Variants in ZSWIM4 observed in about 807,000 individuals in gnomAD.
ZSWIM4 encodes the protein zinc finger SWIM domain-containing protein 4.
In ZSWIM4, 62 loss-of-function variants were observed where a neutral mutation model predicts 102.5. That is an observed-to-expected ratio of 0.60 (90% CI 0.49 to 0.75). ZSWIM4 has a LOEUF of 0.75. ZSWIM4 is among the 30% of genes least tolerant of loss of function. The probability of loss-of-function intolerance (pLI) is 0.00; values close to 1 mark genes in which losing one functional copy is unlikely to be tolerated. For synonymous variants in ZSWIM4, 652 were observed against 674.5 expected, an observed-to-expected ratio of 0.97 and a Z score of 0.52; for missense variants, 1,280 against 1,529.6, an observed-to-expected ratio of 0.84 and a Z score of 2.72.
intron 9 of ZSWIM4, among the ~76,000 whole-genome samples, chr19:13,818,610 C>G (rs1328386659): frequency 2.0e-5 from 3 of 152,122 alleles, no homozygotes; most frequent in Non-Finnish European, 4.4e-5. Context: ...GTCACCCAGG[C>G]TGGAGTGCAG....
chr19:13,811,684 C>T (rs776209763), intron 5 of ZSWIM4, among the ~76,000 whole-genome samples: 6 of 151,998 alleles, frequency 3.9e-5, no homozygotes, highest in African/African-American at 7.2e-5. Context: ...TTTTAAAAAC[C>T]GGCTTTATTT....
chr19:13,814,060 C>CTT (rs869279797), intron 6 of ZSWIM4, among the ~76,000 whole-genome samples: 37 of 138,158 alleles, frequency 2.7e-4, no homozygotes, highest in African/African-American at 8.7e-4. Context: ...TACACGCATC[C>CTT]TTTTTTTTTT....
chr19:13,814,946 C>T, intron 7 of ZSWIM4, 81 bp downstream of exon 7: 1 of 881,894 alleles, frequency 1.1e-6, no homozygotes, highest in Non-Finnish European at 1.5e-6. Context: ...TGCTTGAGGC[C>T]AGGAGTTCAA....
Position 13,819,450 on chromosome 19 carries a change from A to G in ZSWIM4, c.2018A>G (p.His673Arg). 6.2e-7 allele frequency: 1 copy of G among 1,609,432 alleles called. No individual in the cohort carries two copies. Among genetic ancestry groups the G allele is most frequent in the South Asian group, 1.1e-5 (1 of 90,110 alleles). ...ARYLFTALLP[H>R]DPDLAYRLAL... ...TACCTGTTCACCGCACTGCTGCCTC[A>G]TGACCCGGACCTGGCCTATCGCCTC... Residue 673 changes from histidine (H) to arginine (R), a missense_variant, in exon 10 of 14, where the codon CAT becomes CGT. His to Arg is a conservative substitution (Grantham distance 29, BLOSUM62 0). Coordinates refer to ENST00000590508, the MANE Select transcript of ZSWIM4 (RefSeq NM_001367834.3).
chr19:13,812,794 C>G (rs1245006092), intron 5 of ZSWIM4, among the ~76,000 whole-genome samples: 1 of 152,040 alleles, frequency 6.6e-6, no homozygotes. Context: ...TCTAACTTAC[C>G]AGCGGTGTGA....
At chr19:13,823,261 G>A in intron 10 of ZSWIM4, 85 bp from the exon 11 acceptor site, 1 of 1,442,010 alleles carries the variant, frequency 6.9e-7, no homozygotes, top group Non-Finnish European at 9.4e-7. Flanking sequence ...AAGTGGGGAG[G>A]CTGGGCCAGG....
intron 11 of ZSWIM4, among the ~76,000 whole-genome samples, chr19:13,824,442 CAAAA>C (rs1011882751): frequency 3.3e-5 from 5 of 151,580 alleles, no homozygotes; most frequent in Non-Finnish European, 5.9e-5. Context: ...ACTAAAAATG[CAAAA>C]ATTAGCCAGG....
chr19:13,806,165 C>G (rs1974915562), intron 3 of ZSWIM4, among the ~76,000 whole-genome samples: 1 of 151,236 alleles, frequency 6.6e-6, no homozygotes, highest in Non-Finnish European at 1.5e-5. Context: ...GTCTCAGCCT[C>G]CTGAGTAGCT....
At chr19:13,813,840 G>A (rs1975181265) in intron 6 of ZSWIM4, among the ~76,000 whole-genome samples, 1 of 150,476 alleles carries the variant, frequency 6.6e-6, no homozygotes, top group African/African-American at 2.4e-5. Flanking sequence ...AGAATCGCTT[G>A]AGCCTGGGAG....
intron 3 of ZSWIM4, among the ~76,000 whole-genome samples, chr19:13,805,862 T>C (rs1321334162): frequency 2.7e-5 from 4 of 150,374 alleles, no homozygotes; most frequent in African/African-American, 9.8e-5. Flanking sequence ...TCCCAGCCAC[T>C]CAGGAAGCTG....
At chr19:13,804,128 T>G (rs1238627186) in intron 2 of ZSWIM4, among the ~76,000 whole-genome samples, 2 of 151,380 alleles carry the variant, frequency 1.3e-5, no homozygotes, top group Admixed American at 6.6e-5. Flanking sequence ...CCTCCCAAAG[T>G]GCTGGGATTA....
intron 3 of ZSWIM4, among the ~76,000 whole-genome samples, chr19:13,808,457 C>G (rs963677299): frequency 6.6e-6 from 1 of 151,752 alleles, no homozygotes; most frequent in African/African-American, 2.4e-5. Flanking sequence ...ATGGATGGGT[C>G]GGGCACAGTA....
intron 3 of ZSWIM4, among the ~76,000 whole-genome samples, chr19:13,808,572 C>G (rs1225668882): frequency 6.6e-6 from 1 of 151,882 alleles, no homozygotes; most frequent in East Asian, 1.9e-4. Flanking sequence ...CCCGCCTGTA[C>G]TAAAAATACA....
At chr19:13,821,406 C>G (rs931865953) in intron 10 of ZSWIM4, among the ~76,000 whole-genome samples, 18 of 152,076 alleles carry the variant, frequency 1.2e-4, no homozygotes, top group African/African-American at 4.3e-4. Context: ...GCCTGGTACA[C>G]ATCTATGGTC....
At chr19:13,829,095 C>A (rs889948677) in intron 13 of ZSWIM4, among the ~76,000 whole-genome samples, 1 of 149,868 alleles carries the variant, frequency 6.7e-6, no homozygotes, top group Non-Finnish European at 1.5e-5. Context: ...CAGAGGAAAA[C>A]CTCCTCTGGG....
chr19:13,807,739 A>G (rs901811131), intron 3 of ZSWIM4, among the ~76,000 whole-genome samples: 44 of 144,720 alleles, frequency 3.0e-4, no homozygotes, highest in Admixed American at 1.2e-3. Flanking sequence ...GGACAGATGG[A>G]TGCATGGATG....
chr19:13,829,355 C>T (rs893348001), intron 13 of ZSWIM4, among the ~76,000 whole-genome samples: 1 of 152,130 alleles, frequency 6.6e-6, no homozygotes, highest in African/African-American at 2.4e-5. Context: ...CTTTGGGAGG[C>T]CAAGGCATGT....
At chr19:13,805,544 C>T (rs1974896728) in intron 3 of ZSWIM4, among the ~76,000 whole-genome samples, 1 of 151,250 alleles carries the variant, frequency 6.6e-6, no homozygotes, top group South Asian at 2.1e-4. Flanking sequence ...GGGGATACAC[C>T]AGGAGGCGTG....
intron 3 of ZSWIM4, among the ~76,000 whole-genome samples, chr19:13,806,669 C>CAA (rs1029351446): frequency 2.3e-4 from 28 of 123,234 alleles, no homozygotes; most frequent in African/African-American, 1.8e-4. Context: ...ACTCAAAAAA[C>CAA]AAAAAAAAAA....
Sources: gnomAD v4.1 joint callset for allele counts (sites outside exome capture counted in the v4.1 genomes callset) on GRCh38, gnomAD v4.1.1 for gene constraint, MANE v1.5 for transcripts, NCBI Gene and HGNC (gene_info 2026-07-23, HGNC 2026-07-21) for gene names.